Variants in RGCC observed in about 807,000 individuals in gnomAD.
RGCC encodes regulator of cell cycle RGCC.
A neutral mutation model predicts 15.4 loss-of-function variants in RGCC; 15 were observed. The ratio of observed to expected loss-of-function variants is 0.97; its 90% CI spans 0.65 to 1.50. The LOEUF (loss-of-function observed/expected upper bound fraction) is 1.50. RGCC is among the 40% of genes most tolerant of loss of function. RGCC has a pLI of 0.00. For missense variants in RGCC, 176 were observed against 189.7 expected (o/e 0.93, Z 0.42); for synonymous variants, 81 against 78.0 (o/e 1.04, Z -0.20).
At position 41,458,293 on chromosome 13, in the gene RGCC, C is replaced by G; in HGVS notation, c.58C>G (p.Leu20Val). The G allele has an allele frequency of 1.3e-6, 2 of 1,574,794 alleles. No homozygotes were observed. Among genetic ancestry groups the G allele is most frequent in the Non-Finnish European group, 1.7e-6 (2 of 1,167,702 alleles). Residue 20 changes from leucine (L) to valine (V), a missense_variant, in exon 2 of 5, where the codon CTG (leucine) becomes GTG (valine). Coordinates refer to ENST00000379359, the MANE Select transcript of RGCC (RefSeq NM_014059.3). This position sits in a 1 kb window ranked among gnomAD's most constrained non-coding sequence, Gnocchi z 4.4. Reference sequence around the variant, plus strand: ...CCTGGCCCTGCCCGCAGCCCCGGCCCTGGACTCGGCGGCCGCGGAGGACCT... The same window carrying G: ...CCTGGCCCTGCCCGCAGCCCCGGCCGTGGACTCGGCGGCCGCGGAGGACCT... ...PAAAAAAAPA[L>V]DSAAAEDLSD...
rs772565358 is a variant in RGCC, at chr13:41,458,321, C to G, written c.86C>G (p.Ser29Trp). The change falls in exon 2 of 5, where the codon TCG becomes TGG. Residue 29 changes from serine (S) to tryptophan (W), a missense_variant. Coordinates refer to ENST00000379359, the MANE Select transcript of RGCC (RefSeq NM_014059.3). This position sits in a 1 kb window ranked among gnomAD's most constrained non-coding sequence, Gnocchi z 4.4. ...ALDSAAAEDL[S>W]DALCEFDAVL... is the part of the protein sequence containing the mutation. Reference sequence around the variant, plus strand: ...GACTCGGCGGCCGCGGAGGACCTGTCGGACGCGCTGTGCGAGTTTGACGCG... The same window carrying G: ...GACTCGGCGGCCGCGGAGGACCTGTGGGACGCGCTGTGCGAGTTTGACGCG... The G allele has an allele frequency of 7.6e-6, 12 of 1,584,670 alleles. No individual in the cohort carries two copies. Among genetic ancestry groups the G allele is most frequent in the East Asian group, 6.8e-5 (3 of 44,042 alleles).
rs780676043 is a variant in RGCC at position 41,458,234 on chromosome 13, TC to T, written c.50-48del. 6.9e-7 allele frequency: 1 copy of T among 1,452,258 alleles called. No homozygotes were observed. Among genetic ancestry groups the T allele is most frequent in the Non-Finnish European group, 9.2e-7 (1 of 1,084,592 alleles). The allele number at this position is 1,452,258 out of a possible 1,614,324, so 90.0% of individuals were successfully genotyped here. On this transcript the variant is annotated intron_variant, in intron 1 of 4. Coordinates refer to ENST00000379359, the MANE Select transcript of RGCC (RefSeq NM_014059.3). The surrounding 1 kb of genome is among the most constrained non-coding windows in gnomAD (Gnocchi z 4.4). ...GGCCCCTCCTGGCCCTGGGAGGTGG[TC>T]CCGCTGCCCCCCTGACTTCCGTGCA...
At chr13:41,468,919 C>G (rs1212568128) in intron 4 of RGCC, 81 bp downstream of exon 4, 5 of 1,106,518 alleles carry the variant, frequency 4.5e-6, no homozygotes, top group Non-Finnish European at 6.6e-6. Flanking sequence ...TGTTAACCAG[C>G]TTGCCCTGGG....
At chr13:41,459,908 T>G (rs1409525857) in intron 2 of RGCC, among the ~76,000 whole-genome samples, 1 of 152,234 alleles carries the variant, frequency 6.6e-6, no homozygotes, top group Non-Finnish European at 1.5e-5. Context: ...AGCTCCTTTC[T>G]AAGCAACAGC....
chr13:41,458,492 A>ATGGCG lies in RGCC; in HGVS notation c.235+23_235+27dup, dbSNP rs1463186521. The stretch of plus-strand genomic sequence containing the variant: ...GAGAGTAAGTGCGGCCCCCGCTAGG[A>ATGGCG]TGGCGCCGGGATCTCCCAGCTCCCA... On this transcript the variant is annotated intron_variant, in intron 2 of 4. Coordinates refer to ENST00000379359, the MANE Select transcript of RGCC (RefSeq NM_014059.3). The surrounding 1 kb of genome is among the most constrained non-coding windows in gnomAD (Gnocchi z 4.4). The ATGGCG allele has an allele frequency of 6.3e-7, 1 of 1,580,898 alleles. No individual in the cohort carries two copies. Among genetic ancestry groups the ATGGCG allele is most frequent in the African/African-American group, 1.3e-5 (1 of 74,170 alleles).
intron 4 of RGCC, among the ~76,000 whole-genome samples, chr13:41,469,745 A>G (rs2043866830): frequency 6.6e-6 from 1 of 152,214 alleles, no homozygotes; most frequent in African/African-American, 2.4e-5. Context: ...TGGGAATTAC[A>G]CTAATGGTTA....
Position 41,466,138 on chromosome 13 carries a change from A to G in RGCC, c.236-685A>G, listed in dbSNP as rs143213037. ...CACACACACTCTCATTTTCTCACAC[A>G]CACTCCACACTCACACACGCACACA... is the stretch of plus-strand genomic sequence containing the variant. On this transcript the variant is annotated intron_variant, in intron 2 of 4. Transcript: ENST00000379359. 1.6e-3 allele frequency among the ~76,000 whole-genome samples: 238 copies of G among 149,824 alleles called. No individual in the cohort carries two copies. In the Middle Eastern group the frequency reaches 0.017, roughly 11 times the overall value.
At position 41,467,541 on chromosome 13, in the gene RGCC, C is replaced by T. The variant is rs539963687; in HGVS notation, c.343+611C>T. Among the ~76,000 whole-genome samples, 99 of 152,324 alleles carry T rather than the reference C, an allele frequency of 6.5e-4. No homozygotes were observed. The Middle Eastern group carries it at 0.01, about 16-fold the overall frequency. The stretch of plus-strand genomic sequence containing the variant: ...AGCTAGAGAGTTGAATGTTCTGTTA[C>T]ATTGGACAAGTGCCTTTTTGAAAAC... On this transcript the variant is annotated intron_variant, in intron 3 of 4. Coordinates refer to ENST00000379359, the MANE Select transcript of RGCC (RefSeq NM_014059.3).
chr13:41,457,583 G>A lies in RGCC; in HGVS notation c.-125G>A. The A allele has an allele frequency of 1.4e-6, 2 of 1,408,770 alleles. No homozygotes were observed. Among genetic ancestry groups the A allele is most frequent in the Non-Finnish European group, 1.8e-6 (2 of 1,082,968 alleles). The allele number at this position is 1,408,770 out of a possible 1,614,324, so 87.3% of individuals were successfully genotyped here. A position where few individuals can be genotyped will look rare whatever the true frequency, so the allele number is the denominator to read the frequency against. On this transcript the variant is annotated 5_prime_UTR_variant, in exon 1 of 5. Coordinates refer to ENST00000379359, the MANE Select transcript of RGCC (RefSeq NM_014059.3). The surrounding 1 kb of genome is among the most constrained non-coding windows in gnomAD (Gnocchi z 4.9). ...CGCGGACCGTGCTGGGAGCGGCGCG[G>A]CTGGAGCGCAGCGCCGAAGGGACTG...
At chr13:41,461,413 A>G (rs1227074062) in intron 2 of RGCC, among the ~76,000 whole-genome samples, 1 of 152,210 alleles carries the variant, frequency 6.6e-6, no homozygotes, top group South Asian at 2.1e-4. Flanking sequence ...CAGTATTTTT[A>G]AAACTGTAAA....
Position 41,464,569 on chromosome 13 carries a change from G to A in RGCC, c.236-2254G>A, listed in dbSNP as rs559207886. Among the ~76,000 whole-genome samples, 6 of 152,274 alleles carry A rather than the reference G, an allele frequency of 3.9e-5. No homozygotes were observed. In the South Asian group the frequency reaches 1.2e-3, roughly 32 times the overall value. ...CAGGAGCACCACAAAGAAGTGTCCC[G>A]TGGTCAGGTACACTGGGGAAATGGG... On this transcript the variant is annotated intron_variant, in intron 2 of 4. Coordinates refer to ENST00000379359, the MANE Select transcript of RGCC (RefSeq NM_014059.3).
chr13:41,463,322 C>T (rs1361483718), intron 2 of RGCC, among the ~76,000 whole-genome samples: 8 of 151,512 alleles, frequency 5.3e-5, no homozygotes, highest in Admixed American at 5.3e-4. Flanking sequence ...AGGTTTGGCT[C>T]AAGGATGCTG....
chr13:41,470,544 C>G lies in RGCC; in HGVS notation c.*59C>G, dbSNP rs2043870976. ...AGAAGCTTCAGAAAGTTCCGAGGAC[C>G]TGCTAAAATCAGCTACTAGAATCTG... On this transcript the variant is annotated 3_prime_UTR_variant, in exon 5 of 5. Transcript: ENST00000379359. The G allele has an allele frequency of 6.4e-7, 1 of 1,556,466 alleles. No homozygotes were observed. Among genetic ancestry groups the G allele is most frequent in the Non-Finnish European group, 8.9e-7 (1 of 1,127,830 alleles).
At chr13:41,459,224 C>T (rs1023909076) in intron 2 of RGCC, among the ~76,000 whole-genome samples, 2 of 152,118 alleles carry the variant, frequency 1.3e-5, no homozygotes, top group African/African-American at 2.4e-5. Flanking sequence ...ACTCACATGT[C>T]CTGGGAGGAT....
At position 41,470,694 on chromosome 13, in the gene RGCC, T is replaced by G; in HGVS notation, c.*209T>G. The stretch of plus-strand genomic sequence containing the variant: ...AGTGAAACTGACTTTGTTTACCTGC[T>G]TGCAGCATATTAGAACAGACGATCC... On this transcript the variant is annotated 3_prime_UTR_variant, in exon 5 of 5. Coordinates refer to ENST00000379359, the MANE Select transcript of RGCC (RefSeq NM_014059.3). 1 of 583,758 alleles carries G rather than the reference T, an allele frequency of 1.7e-6. No individual in the cohort carries two copies. Among genetic ancestry groups the G allele is most frequent in the East Asian group, 2.8e-5 (1 of 35,586 alleles). 36.2% of individuals were successfully genotyped at this position (583,758 alleles called of 1,614,324 possible). A position where few individuals can be genotyped will look rare whatever the true frequency, so the allele number is the denominator to read the frequency against.
chr13:41,458,274 C>T lies in RGCC; in HGVS notation c.50-11C>T. On this transcript the variant is annotated splice_polypyrimidine_tract_variant and intron_variant, in intron 1 of 4. Coordinates refer to ENST00000379359, the MANE Select transcript of RGCC (RefSeq NM_014059.3). This position sits in a 1 kb window ranked among gnomAD's most constrained non-coding sequence, Gnocchi z 4.4. ...GACTTCCGTGCACTGAGCCCCTGGC[C>T]CTGCCCGCAGCCCCGGCCCTGGACT... 6.4e-7 allele frequency: 1 copy of T among 1,559,904 alleles called. No individual in the cohort carries two copies. Among genetic ancestry groups the T allele is most frequent in the Non-Finnish European group, 8.6e-7 (1 of 1,159,894 alleles).
At chr13:41,469,522 G>A (rs1272049529) in intron 4 of RGCC, among the ~76,000 whole-genome samples, 1 of 152,064 alleles carries the variant, frequency 6.6e-6, no homozygotes, top group East Asian at 1.9e-4. Flanking sequence ...GAAATGAACT[G>A]ATTAACCACA....
chr13:41,469,534 G>A (rs3783197), intron 4 of RGCC, among the ~76,000 whole-genome samples: 61,356 of 151,938 alleles, frequency 0.4, 14,336 homozygotes, highest in South Asian at 0.65. Context: ...TTAACCACAA[G>A]TGCATTATTC....
rs869157194 is a variant in RGCC, at chr13:41,469,295, T to TAATAATAAGAAGAAG, written c.406+459_406+460insTAATAAGAAGAAGAA. The stretch of plus-strand genomic sequence containing the variant: ...ATAATAATAATAATAATAATAATAA[T>TAATAATAAGAAGAAG]AAGAAGAAGAAGAAGAAGAAGAAGA... On this transcript the variant is annotated intron_variant, in intron 4 of 4. Transcript: ENST00000379359. Among the ~76,000 whole-genome samples, 122 of 86,740 alleles carry TAATAATAAGAAGAAG rather than the reference T, an allele frequency of 1.4e-3. 1 individual carries two copies. Among genetic ancestry groups the TAATAATAAGAAGAAG allele is most frequent in the African/African-American group, 4.4e-3 (117 of 26,758 alleles). The allele number at this position is 86,740 out of a possible 152,430, so 56.9% of individuals were successfully genotyped here. A position where few individuals can be genotyped will look rare whatever the true frequency, so the allele number is the denominator to read the frequency against.
Sources: allele counts gnomAD v4.1 joint callset (sites outside exome capture counted in the v4.1 genomes callset), GRCh38; gene constraint gnomAD v4.1.1; non-coding constraint Gnocchi (gnomAD v3.1); transcripts MANE v1.5; gene names NCBI Gene and HGNC (gene_info 2026-07-23, HGNC 2026-07-21).